The following NSD2 variants were observed in gnomAD, a reference collection of about 807,000 sequenced individuals.
NSD2 encodes nuclear receptor binding SET domain protein 2, also known as histone-lysine N-methyltransferase NSD2.
A neutral mutation model predicts 139.0 loss-of-function variants in NSD2; 12 were observed. That is an observed-to-expected ratio of 0.09 (90% CI 0.06 to 0.14). The LOEUF (loss-of-function observed/expected upper bound fraction) is 0.14, where lower values mean the gene tolerates loss of function less well. Ranked by LOEUF, NSD2 falls within the 10% of genes least tolerant of loss-of-function variation. The probability of loss-of-function intolerance (pLI) is 1.00; values close to 1 mark genes in which losing one functional copy is unlikely to be tolerated. For synonymous variants in NSD2, 669 were observed against 648.7 expected, an observed-to-expected ratio of 1.03 and a Z score of -0.48; for missense variants, 1,155 against 1,745.0, an observed-to-expected ratio of 0.66 and a Z score of 6.02.
intron 9 of NSD2, chr4:1,940,024 C>G: frequency 7.4e-7 from 1 of 1,358,888 alleles, no homozygotes; most frequent in South Asian, 1.7e-5. Flanking sequence ...AGATATACTT[C>G]AGTCTTGATG....
chr4:1,937,145 C>T (rs978201102), intron 7 of NSD2, among the ~76,000 whole-genome samples: 8 of 151,922 alleles, frequency 5.3e-5, no homozygotes, highest in Non-Finnish European at 1.2e-4. Flanking sequence ...TCCGCCTCCT[C>T]GATTCAAGTG....
At chr4:1,934,027 T>C (rs1350635897) in intron 6 of NSD2, among the ~76,000 whole-genome samples, 1 of 152,138 alleles carries the variant, frequency 6.6e-6, no homozygotes, top group Non-Finnish European at 1.5e-5. Context: ...TTTTTTTTTT[T>C]AAGTTCAACT....
In NSD2 at chr4:1,975,310, T is replaced by A; in HGVS notation, c.3531T>A (p.Phe1177Leu). The A allele has an allele frequency of 6.2e-7, 1 of 1,614,226 alleles. No homozygotes were observed. The highest frequency in any genetic ancestry group is 1.1e-5 in the South Asian group (1 of 91,088). The change falls in exon 20 of 22, where the codon TTT (phenylalanine) becomes TTA (leucine). Residue 1177 changes from phenylalanine to leucine, a missense_variant. By Grantham distance (22) the Phe-to-Leu change is conservative. Coordinates refer to ENST00000508803, the MANE Select transcript of NSD2 (RefSeq NM_001042424.3). ...CDIPAGTELT[F>L]NYNLDCLGNE... ...TTCTCCCAGGGACGGAGCTGACTTT[T>A]AACTACAACCTCGATTGTCTGGGCA...
chr4:1,945,282 A>T (rs550208755), intron 9 of NSD2: 5 of 1,066,044 alleles, frequency 4.7e-6, no homozygotes, highest in African/African-American at 1.6e-5. Flanking sequence ...AGACGTTAAG[A>T]GCTGAGCACA....
intron 3 of NSD2, among the ~76,000 whole-genome samples, chr4:1,911,221 C>T (rs1159209673): frequency 3.9e-5 from 6 of 152,028 alleles, no homozygotes; most frequent in Non-Finnish European, 8.8e-5. Flanking sequence ...AGGTTCTCTT[C>T]GAAGGGGATG....
chr4:1,940,553 C>T, intron 9 of NSD2: 6 of 1,064,188 alleles, frequency 5.6e-6, no homozygotes, highest in Non-Finnish European at 6.8e-6. Flanking sequence ...TTAGGGATTA[C>T]CTTCATAGAG....
In NSD2 at chr4:1,942,312, T is replaced by C; in HGVS notation, c.1881+2534T>C. 6.2e-7 allele frequency: 1 copy of C among 1,610,920 alleles called. No individual in the cohort carries two copies. On this transcript the variant is annotated intron_variant, in intron 9 of 21. Transcript: ENST00000508803. This position sits in a 1 kb window ranked among gnomAD's most constrained non-coding sequence, Gnocchi z 4.0. The stretch of plus-strand genomic sequence containing the variant: ...TTATTCCTTTAGTAGAGCAAATTCT[T>C]ATTTTTTTCGCCTTCACTGGTAACA...
Position 1,942,926 on chromosome 4 carries a change from C to T in NSD2, c.1881+3148C>T, listed in dbSNP as rs1337336417. The T allele has an allele frequency of 7.6e-6, 8 of 1,055,736 alleles. No individual in the cohort carries two copies. The highest frequency in any genetic ancestry group is 9.2e-6 in the Non-Finnish European group (8 of 873,520). The allele number at this position is 1,055,736 out of a possible 1,614,324, so 65.4% of individuals were successfully genotyped here. On this transcript the variant is annotated intron_variant, in intron 9 of 21. Transcript: ENST00000508803. The surrounding 1 kb of genome is among the most constrained non-coding windows in gnomAD (Gnocchi z 4.0). ...GAGGCAGGAAGAGTTTTGATTCTAT[C>T]CTTTTTTACTAAACAGTTTTATTAT...
intron 7 of NSD2, 55 bp from the exon 8 acceptor site, chr4:1,938,396 C>CTTTTTTTTTTTTTTCTTTTTTT: frequency 1.0e-6 from 1 of 988,394 alleles, no homozygotes; most frequent in Non-Finnish European, 1.2e-6. Context: ...TCCTTTTTTT[C>CTTTTTTTTTTTTTTCTTTTTTT]TTTTCTTTTT....
In NSD2 at chr4:1,958,155, G is replaced by A; in HGVS notation, c.2985+119G>A. 2 of 1,014,694 alleles carry A rather than the reference G, an allele frequency of 2.0e-6. No homozygotes were observed. Among genetic ancestry groups the A allele is most frequent in the South Asian group, 1.5e-5 (1 of 65,140 alleles). The allele number at this position is 1,014,694 out of a possible 1,614,324, so 62.9% of individuals were successfully genotyped here. A position where few individuals can be genotyped will look rare whatever the true frequency, so the allele number is the denominator to read the frequency against. Reference sequence around the variant, plus strand: ...AGGACTGTCACCAGCCAGGATCTGTGGTGCCTGGCATGGATGGCCACACAA... The same window carrying A: ...AGGACTGTCACCAGCCAGGATCTGTAGTGCCTGGCATGGATGGCCACACAA... On this transcript the variant is annotated intron_variant, in intron 16 of 21. Transcript: ENST00000508803. This position sits in a 1 kb window ranked among gnomAD's most constrained non-coding sequence, Gnocchi z 4.6.
At chr4:1,938,413 T>G in intron 7 of NSD2, 38 bp from the exon 8 acceptor site, 4 of 1,115,922 alleles carry the variant, frequency 3.6e-6, no homozygotes, top group Non-Finnish European at 3.6e-6. Context: ...TTTTTTTTTC[T>G]TTCTTTTTTT....
intron 1 of NSD2, among the ~76,000 whole-genome samples, chr4:1,876,515 AC>A (rs1361808960): frequency 2.0e-5 from 3 of 151,806 alleles, no homozygotes; most frequent in Non-Finnish European, 2.9e-5. Flanking sequence ...ACATAGGGAG[AC>A]CCCATCTCTA....
Position 1,979,089 on chromosome 4 carries a change from G to T in NSD2, c.*180G>T. 2 of 677,998 alleles carry T rather than the reference G, an allele frequency of 2.9e-6. No individual in the cohort carries two copies. Among genetic ancestry groups the T allele is most frequent in the Non-Finnish European group, 2.2e-6 (1 of 451,202 alleles). The allele number at this position is 677,998 out of a possible 1,614,324, so 42.0% of individuals were successfully genotyped here. ...TGAGCCATCCTCAGCAGCGTCCGCT[G>T]CGTCTGCACTGATGACCGTCTGAGC... On this transcript the variant is annotated 3_prime_UTR_variant, in exon 22 of 22. Transcript: ENST00000508803.
intron 5 of NSD2, among the ~76,000 whole-genome samples, chr4:1,920,411 C>T (rs2108812360): frequency 6.6e-6 from 1 of 152,258 alleles, no homozygotes; most frequent in East Asian, 1.9e-4. Flanking sequence ...CCGCTGCACT[C>T]CAGCCTGGGT....
At position 1,955,388 on chromosome 4, in the gene NSD2, G is replaced by A; in HGVS notation, c.2518+48G>A. ...CGGCACACGCCTCTCACACTCCCAG[G>A]AGCCACATATCAAGGCAGGCTCATT... On this transcript the variant is annotated intron_variant, in intron 13 of 21. Transcript: ENST00000508803. This position sits in a 1 kb window ranked among gnomAD's most constrained non-coding sequence, Gnocchi z 4.7. 6.4e-7 allele frequency: 1 copy of A among 1,566,870 alleles called. No individual in the cohort carries two copies. Among genetic ancestry groups the A allele is most frequent in the South Asian group, 1.1e-5 (1 of 86,964 alleles).
At chr4:1,879,868 A>T (rs1259285636) in intron 1 of NSD2, among the ~76,000 whole-genome samples, 3 of 147,656 alleles carry the variant, frequency 2.0e-5, no homozygotes, top group East Asian at 3.9e-4. Context: ...GTTTTCTCCC[A>T]AGTTTGTCAT....
rs776275446 is a variant in NSD2 at position 1,935,218 on chromosome 4, A to G, written c.1630A>G (p.Thr544Ala). ...DPTEDAEAED[T>A]PRKRLRTDKH... ...TACAGAAGATGCTGAAGCTGAGGAC[A>G]CACCCAGGAAAAGACTCAGGACGGA... The change falls in exon 7 of 22, where the codon ACA becomes GCA. Residue 544 changes from threonine (T) to alanine (A), a missense_variant. Thr to Ala is a moderately conservative substitution (Grantham distance 58). Coordinates refer to ENST00000508803, the MANE Select transcript of NSD2 (RefSeq NM_001042424.3). 1 of 1,613,716 alleles carries G rather than the reference A, an allele frequency of 6.2e-7. No individual in the cohort carries two copies. Among genetic ancestry groups the G allele is most frequent in the South Asian group, 1.1e-5 (1 of 91,032 alleles).
Position 1,974,564 on chromosome 4 carries a change from G to A in NSD2, c.3373-299G>A, listed in dbSNP as rs1275687471. Reference sequence around the variant, plus strand: ...AGTGCCACTTGGCTAGGCTGTTGCTGCTGACCTTAGCTCCCTTGTTTGCCA... The same window carrying A: ...AGTGCCACTTGGCTAGGCTGTTGCTACTGACCTTAGCTCCCTTGTTTGCCA... On this transcript the variant is annotated intron_variant, in intron 18 of 21. Transcript: ENST00000508803. This position sits in a 1 kb window ranked among gnomAD's most constrained non-coding sequence, Gnocchi z 4.0. 2 of 502,144 alleles carry A rather than the reference G, an allele frequency of 4.0e-6. No individual in the cohort carries two copies. The highest frequency in any genetic ancestry group is 2.5e-5 in the Admixed American group (1 of 39,652). 31.1% of individuals were successfully genotyped at this position (502,144 alleles called of 1,614,324 possible).
Position 1,974,494 on chromosome 4 carries a change from G to A in NSD2, c.3373-369G>A, listed in dbSNP as rs1446750500. On this transcript the variant is annotated intron_variant, in intron 18 of 21. Coordinates refer to ENST00000508803, the MANE Select transcript of NSD2 (RefSeq NM_001042424.3). The surrounding 1 kb of genome is among the most constrained non-coding windows in gnomAD (Gnocchi z 4.0). The stretch of plus-strand genomic sequence containing the variant: ...CTCCCAAAGTGCTGGGATTACAGGC[G>A]TGAGCCACTGCGCCCAGCCAGGGTG... The A allele has an allele frequency of 1.1e-5, 4 of 370,818 alleles. No individual in the cohort carries two copies. The East Asian group carries it at 1.7e-4, about 16-fold the overall frequency. The allele number at this position is 370,818 out of a possible 1,614,324, so 23.0% of individuals were successfully genotyped here.
Sources: gnomAD v4.1 joint callset for allele counts (sites outside exome capture counted in the v4.1 genomes callset) on GRCh38, gnomAD v4.1.1 for gene constraint, Gnocchi (gnomAD v3.1) non-coding constraint, MANE v1.5 for transcripts, NCBI Gene and HGNC (gene_info 2026-07-23, HGNC 2026-07-21) for gene names.